GARNL3: variants seen among roughly 807,000 people sequenced by gnomAD.
The protein encoded by GARNL3 is GTPase-activating Rap/Ran-GAP domain-like protein 3.
Under a neutral mutation model 125.0 loss-of-function variants are expected in GARNL3, and 63 were observed. The observed-to-expected ratio is 0.50, with a 90% CI of 0.41 to 0.62. GARNL3 has a LOEUF of 0.62. GARNL3 is among the 20% of genes least tolerant of loss of function. The pLI is 0.00. For synonymous variants in GARNL3, 439 were observed against 457.5 expected (o/e 0.96, Z 0.52); for missense variants, 994 against 1,244.0 (o/e 0.80, Z 3.02).
rs575904764 is a variant in GARNL3, at chr9:127,369,611, C to T, written c.2161+4245C>T. Among the ~76,000 whole-genome samples the T allele has an allele frequency of 7.2e-5, 11 of 152,170 alleles. No individual in the cohort carries two copies. In the East Asian group the frequency reaches 1.2e-3, roughly 16 times the overall value. On this transcript the variant is annotated intron_variant, in intron 22 of 27. Coordinates refer to ENST00000373387, the MANE Select transcript of GARNL3 (RefSeq NM_032293.5). ...GTCTGAGAGGGACCCTTGGACCCAG[C>T]GAGGTGGAGGTCATTTGGAAGACAA...
intron 6 of GARNL3, among the ~76,000 whole-genome samples, chr9:127,322,683 C>T (rs1257768301): frequency 6.6e-6 from 1 of 152,108 alleles, no homozygotes; most frequent in Non-Finnish European, 1.5e-5. Flanking sequence ...GAGCAACAGG[C>T]TTTAGGTAGA....
At chr9:127,358,591 TTAAGAAACAGAAAAA>T (rs1830811983) in intron 21 of GARNL3, among the ~76,000 whole-genome samples, 1 of 152,242 alleles carries the variant, frequency 6.6e-6, no homozygotes, top group Non-Finnish European at 1.5e-5. Flanking sequence ...GAGCAAGATT[TTAAGAAACAGAAAAA>T]TAAGAAATAG....
rs576033845 is a variant in GARNL3, at chr9:127,319,787, T to C, written c.504-928T>C. ...CTTTTTTCTAAAAAGAAGTTTACTC[T>C]AGCTCCTTTCTTCTTTAAGAACGTT... On this transcript the variant is annotated intron_variant, in intron 5 of 27. Transcript: ENST00000373387. Among the ~76,000 whole-genome samples the C allele has an allele frequency of 2.0e-4, 30 of 152,354 alleles. 1 individual carries two copies. The South Asian group carries it at 6.2e-3, about 32-fold the overall frequency.
intron 1 of GARNL3, among the ~76,000 whole-genome samples, chr9:127,278,232 G>GATGTGT (rs2064009086): frequency 2.0e-5 from 3 of 152,102 alleles, no homozygotes; most frequent in Admixed American, 2.0e-4. Flanking sequence ...TCACTATTAC[G>GATGTGT]ATTTAGTACA....
intron 1 of GARNL3, among the ~76,000 whole-genome samples, chr9:127,240,641 G>T (rs1053493269): frequency 6.6e-6 from 1 of 152,218 alleles, no homozygotes; most frequent in African/African-American, 2.4e-5. Flanking sequence ...TGGCATTCAT[G>T]CTTGTAATCC....
intron 16 of GARNL3, among the ~76,000 whole-genome samples, chr9:127,348,631 T>C (rs1472180353): frequency 6.6e-6 from 1 of 152,238 alleles, no homozygotes; most frequent in Non-Finnish European, 1.5e-5. Flanking sequence ...AAATGCTTCC[T>C]TAGAAACCAT....
At chr9:127,245,877 T>C (rs2063293313) in intron 2 of GARNL3, among the ~76,000 whole-genome samples, 1 of 151,922 alleles carries the variant, frequency 6.6e-6, no homozygotes, top group South Asian at 2.1e-4. Context: ...CCAGTGCCCA[T>C]CTCTTAACCT....
rs2064335987 is a variant in GARNL3, at chr9:127,289,089, G to A, written c.145-2079G>A. Among the ~76,000 whole-genome samples, 3 of 152,304 alleles carry A rather than the reference G, an allele frequency of 2.0e-5. No homozygotes were observed. The South Asian group carries it at 6.2e-4, about 32-fold the overall frequency. On this transcript the variant is annotated intron_variant, in intron 1 of 27. Coordinates refer to ENST00000373387, the MANE Select transcript of GARNL3 (RefSeq NM_032293.5). Reference sequence around the variant, plus strand: ...GCTTTTCCCTCTATTTTAACAGTGAGTAGAAACCCACAAAGAAGCTGTTGA... The same window carrying A: ...GCTTTTCCCTCTATTTTAACAGTGAATAGAAACCCACAAAGAAGCTGTTGA...
chr9:127,262,691 G>A (rs1329863351), upstream of GARNL3, among the ~76,000 whole-genome samples: 1 of 152,238 alleles, frequency 6.6e-6, no homozygotes, highest in Non-Finnish European at 1.5e-5. Flanking sequence ...GGGTGGCAGT[G>A]GGCAGCCTGC....
At position 127,389,120 on chromosome 9, in the gene GARNL3, G is replaced by C; in HGVS notation, c.2743+1G>C. 6.2e-7 allele frequency: 1 copy of C among 1,608,474 alleles called. No individual in the cohort carries two copies. The highest frequency in any genetic ancestry group is 1.1e-5 in the South Asian group (1 of 90,940). On this transcript the variant is annotated splice_donor_variant, in intron 26 of 27. Coordinates refer to ENST00000373387, the MANE Select transcript of GARNL3 (RefSeq NM_032293.5). LOFTEE classifies it high-confidence loss of function. ...AGCAGGACCCGCAGGGAACTACTGG[G>C]TAATGGTTCTCAATCCTGGTTTCCA... is the stretch of plus-strand genomic sequence containing the variant.
At chr9:127,233,288 A>G (rs1309335611) in intron 1 of GARNL3, among the ~76,000 whole-genome samples, 1 of 152,200 alleles carries the variant, frequency 6.6e-6, no homozygotes, top group Non-Finnish European at 1.5e-5. Flanking sequence ...CTTGGGTTCC[A>G]TGGTCATCCT....
chr9:127,241,936 T>TTTG (rs148526680), intron 1 of GARNL3, among the ~76,000 whole-genome samples: 2,991 of 150,358 alleles, frequency 0.02, 33 homozygotes, highest in Middle Eastern at 0.044. Context: ...CCCGGCCTGG[T>TTTG]TTGTTGTTGT....
At chr9:127,293,264 A>C (rs776840794) in intron 2 of GARNL3, among the ~76,000 whole-genome samples, 1 of 152,230 alleles carries the variant, frequency 6.6e-6, no homozygotes, top group Non-Finnish European at 1.5e-5. Context: ...AAAAATTCTC[A>C]AACCTCTGAA....
intron 14 of GARNL3, among the ~76,000 whole-genome samples, chr9:127,343,857 A>G (rs1829997236): frequency 6.6e-6 from 1 of 152,200 alleles, no homozygotes; most frequent in Non-Finnish European, 1.5e-5. Context: ...GCACAGCTCT[A>G]GGGGTACTGT....
chr9:127,386,361 C>G, intron 24 of GARNL3, among the ~76,000 whole-genome samples: 1 of 152,212 alleles, frequency 6.6e-6, no homozygotes, highest in Non-Finnish European at 1.5e-5. Flanking sequence ...CACTGTAAGT[C>G]TAGACAATCA....
In GARNL3 at chr9:127,379,942, G is replaced by A. The variant is rs923148857; in HGVS notation, c.2162-3496G>A. On this transcript the variant is annotated intron_variant, in intron 22 of 27. Transcript: ENST00000373387. ...CACTTGTAATCCCAGCGCTTTGGGAGGCCAAAGCGGGTGGATCACTTGTGG... is the reference window on the plus strand; with the variant it reads ...CACTTGTAATCCCAGCGCTTTGGGAAGCCAAAGCGGGTGGATCACTTGTGG... Among the ~76,000 whole-genome samples the A allele has an allele frequency of 1.7e-4, 26 of 152,168 alleles. 1 individual carries two copies. The highest frequency in any genetic ancestry group is 1.6e-3 in the Admixed American group (25 of 15,280).
chr9:127,322,611 G>A (rs2065437912), intron 6 of GARNL3, among the ~76,000 whole-genome samples: 1 of 152,118 alleles, frequency 6.6e-6, no homozygotes, highest in Admixed American at 6.6e-5. Flanking sequence ...ATGTGTATGA[G>A]GCTCAGAGAT....
intron 2 of GARNL3, among the ~76,000 whole-genome samples, chr9:127,248,902 C>T (rs998342046): frequency 7.2e-5 from 11 of 152,150 alleles, no homozygotes; most frequent in East Asian, 1.9e-4. Flanking sequence ...TGAGCCACCA[C>T]GCCTGGCCAG....
At chr9:127,335,359 A>G (rs778451363) in intron 10 of GARNL3, 26 bp downstream of exon 10, 8 of 1,486,632 alleles carry the variant, frequency 5.4e-6, no homozygotes, top group Non-Finnish European at 7.5e-6. Flanking sequence ...CAAACCATCA[A>G]ATAGTGATGT....
Sources: allele counts gnomAD v4.1 joint callset (sites outside exome capture counted in the v4.1 genomes callset), GRCh38; gene constraint gnomAD v4.1.1; transcripts MANE v1.5; gene names NCBI Gene and HGNC (gene_info 2026-07-23, HGNC 2026-07-21).